SLC49A4: variants seen among roughly 807,000 people sequenced by gnomAD.
The protein encoded by SLC49A4 is solute carrier family 49 member 4.
SLC49A4 carries 36 observed loss-of-function variants against 50.6 expected under a neutral mutation model. That is an observed-to-expected ratio of 0.71 (90% CI 0.55 to 0.94). The LOEUF is 0.94. Ranked by LOEUF, SLC49A4 falls within the 40% of genes least tolerant of loss-of-function variation. SLC49A4 has a pLI of 0.00. For synonymous variants in SLC49A4, 248 were observed against 241.2 expected, an observed-to-expected ratio of 1.03 and a Z score of -0.26; for missense variants, 503 against 605.7, an observed-to-expected ratio of 0.83 and a Z score of 1.78.
chr3:122,831,308 A>T (rs915460371), intron 3 of SLC49A4, among the ~76,000 whole-genome samples: 1 of 152,182 alleles, frequency 6.6e-6, no homozygotes, highest in Non-Finnish European at 1.5e-5. Context: ...ACATACACCC[A>T]TGTAAAAATG....
At chr3:122,811,243 T>C (rs1316932594) in intron 2 of SLC49A4, among the ~76,000 whole-genome samples, 2 of 152,202 alleles carry the variant, frequency 1.3e-5, no homozygotes, top group Non-Finnish European at 2.9e-5. Flanking sequence ...GTAATGGATA[T>C]GAGCAAGCAA....
Position 122,796,899 on chromosome 3 carries a change from A to C in SLC49A4, c.343+1364A>C, listed in dbSNP as rs923393343. ...CTCGTCTCAGAAAAATTAATACATA[A>C]ACAAAATATGAATTTGAGGGGAACA... On this transcript the variant is annotated intron_variant, in intron 1 of 8. Coordinates refer to ENST00000261038, the MANE Select transcript of SLC49A4 (RefSeq NM_032839.3). Among the ~76,000 whole-genome samples, 3 of 152,142 alleles carry C rather than the reference A, an allele frequency of 2.0e-5. No individual in the cohort carries two copies. The East Asian group carries it at 5.8e-4, about 29-fold the overall frequency.
intron 2 of SLC49A4, among the ~76,000 whole-genome samples, chr3:122,807,574 T>C (rs1267547718): frequency 3.3e-5 from 5 of 152,214 alleles, no homozygotes; most frequent in Non-Finnish European, 7.3e-5. Flanking sequence ...ATATTGGTTA[T>C]GATACAGTAT....
At chr3:122,876,267 G>A (rs756798086) in intron 8 of SLC49A4, among the ~76,000 whole-genome samples, 3 of 152,154 alleles carry the variant, frequency 2.0e-5, no homozygotes, top group Non-Finnish European at 2.9e-5. Flanking sequence ...TGTGTTATCT[G>A]TTACTTTTTG....
intron 4 of SLC49A4, 82 bp downstream of exon 4, chr3:122,833,528 G>A (rs1481338652): frequency 2.9e-6 from 4 of 1,361,210 alleles, no homozygotes; most frequent in Non-Finnish European, 3.0e-6. Flanking sequence ...ATTTAAGATA[G>A]TAATTTTTCA....
intron 7 of SLC49A4, among the ~76,000 whole-genome samples, chr3:122,869,364 A>G (rs1485344744): frequency 1.3e-5 from 2 of 152,068 alleles, no homozygotes; most frequent in Non-Finnish European, 1.5e-5. Flanking sequence ...CACCTTTTTC[A>G]CTTATGTATC....
intron 2 of SLC49A4, among the ~76,000 whole-genome samples, chr3:122,820,589 A>ATC (rs1228947300): frequency 1.3e-5 from 2 of 152,248 alleles, no homozygotes; most frequent in Non-Finnish European, 1.5e-5. Context: ...TGAACTGTAG[A>ATC]TCTTCAATTT....
At chr3:122,829,448 G>A (rs1006641683) in intron 3 of SLC49A4, among the ~76,000 whole-genome samples, 2 of 152,158 alleles carry the variant, frequency 1.3e-5, no homozygotes. Flanking sequence ...CTAATAAAAA[G>A]CATCTATTGG....
At chr3:122,829,766 A>G (rs1200556681) in intron 3 of SLC49A4, among the ~76,000 whole-genome samples, 1 of 152,206 alleles carries the variant, frequency 6.6e-6, no homozygotes, top group African/African-American at 2.4e-5. Context: ...CCTGGAGGTA[A>G]CATCACATTT....
intron 5 of SLC49A4, among the ~76,000 whole-genome samples, chr3:122,848,511 G>A (rs910911091): frequency 3.9e-5 from 6 of 151,906 alleles, no homozygotes; most frequent in Non-Finnish European, 8.8e-5. Flanking sequence ...TGAGTTTTCT[G>A]AACCATGATC....
Position 122,879,254 on chromosome 3 carries a change from G to A in SLC49A4, c.1322-9G>A. 6.2e-7 allele frequency: 1 copy of A among 1,604,810 alleles called. No homozygotes were observed. The highest frequency in any genetic ancestry group is 8.5e-7 in the Non-Finnish European group (1 of 1,172,302). The stretch of plus-strand genomic sequence containing the variant: ...AATGTTTAAAACTGCATGTTTTTTT[G>A]TCTTACAGAGTTGTCTTGGTTCAAC... On this transcript the variant is annotated splice_polypyrimidine_tract_variant and intron_variant, in intron 8 of 8. Transcript: ENST00000261038.
intron 1 of SLC49A4, among the ~76,000 whole-genome samples, chr3:122,800,281 T>A (rs1230908402): frequency 6.6e-6 from 1 of 152,206 alleles, no homozygotes; most frequent in Non-Finnish European, 1.5e-5. Flanking sequence ...TAGTAAGGAC[T>A]GAGAATAGAG....
chr3:122,841,790 A>C (rs1229733668), intron 4 of SLC49A4, among the ~76,000 whole-genome samples: 1 of 152,224 alleles, frequency 6.6e-6, no homozygotes, highest in Non-Finnish European at 1.5e-5. Flanking sequence ...ACATGTAATA[A>C]GGATACCTTC....
chr3:122,874,523 C>T (rs574405019), intron 8 of SLC49A4, among the ~76,000 whole-genome samples: 53 of 152,308 alleles, frequency 3.5e-4, no homozygotes, highest in African/African-American at 1.3e-3. Context: ...TGTTCTTATA[C>T]ATGTTTGTGT....
intron 2 of SLC49A4, among the ~76,000 whole-genome samples, chr3:122,808,703 G>A (rs1211042316): frequency 6.6e-6 from 1 of 152,180 alleles, no homozygotes; most frequent in Non-Finnish European, 1.5e-5. Context: ...TTTGAGAATG[G>A]ACTGAAGCTT....
At chr3:122,804,604 TACAC>T (rs1046909051) in intron 1 of SLC49A4, among the ~76,000 whole-genome samples, 2 of 152,200 alleles carry the variant, frequency 1.3e-5, no homozygotes, top group Non-Finnish European at 2.9e-5. Flanking sequence ...CAATTAAAAA[TACAC>T]AAGAAAGCCA....
At chr3:122,843,581 G>T (rs1018526707) in intron 4 of SLC49A4, among the ~76,000 whole-genome samples, 3 of 151,970 alleles carry the variant, frequency 2.0e-5, no homozygotes, top group African/African-American at 7.3e-5. Flanking sequence ...TCCACATTAG[G>T]GCCACACATT....
intron 7 of SLC49A4, among the ~76,000 whole-genome samples, chr3:122,863,185 G>A (rs1042992208): frequency 1.3e-5 from 2 of 152,120 alleles, no homozygotes; most frequent in Admixed American, 6.5e-5. Context: ...ACTGGGTTAC[G>A]GACTAGATTT....
At chr3:122,841,378 A>AT (rs1230026698) in intron 4 of SLC49A4, among the ~76,000 whole-genome samples, 2 of 152,200 alleles carry the variant, frequency 1.3e-5, no homozygotes, top group Admixed American at 6.6e-5. Context: ...ACAATGTCAC[A>AT]TGTCACATCA....
Sources: allele counts gnomAD v4.1 joint callset (sites outside exome capture counted in the v4.1 genomes callset), GRCh38; gene constraint gnomAD v4.1.1; transcripts MANE v1.5; gene names NCBI Gene and HGNC (gene_info 2026-07-23, HGNC 2026-07-21).